The following NDST4 variants were observed in gnomAD, a reference collection of about 807,000 sequenced individuals.
NDST4 encodes N-deacetylase and N-sulfotransferase 4, also known as N-heparan sulfate sulfotransferase 4.
A neutral mutation model predicts 100.8 loss-of-function variants in NDST4; 63 were observed. The observed-to-expected ratio is 0.62, with a 90% CI of 0.51 to 0.77. The LOEUF is 0.77. Among genes scored for constraint, NDST4 ranks in the 30% least tolerant of loss-of-function variants. The pLI is 0.00. For synonymous variants in NDST4, 377 were observed against 361.8 expected (o/e 1.04, Z -0.48); for missense variants, 943 against 1,018.4 (o/e 0.93, Z 1.01).
chr4:115,049,495 C>G (rs1728538562), intron 2 of NDST4, among the ~76,000 whole-genome samples: 1 of 151,906 alleles, frequency 6.6e-6, no homozygotes, highest in South Asian at 2.1e-4. Context: ...GTAGGGGGAC[C>G]AAGCATCCCA....
At chr4:114,874,935 G>A (rs188429299) in intron 6 of NDST4, among the ~76,000 whole-genome samples, 55 of 152,124 alleles carry the variant, frequency 3.6e-4, no homozygotes, top group Admixed American at 1.3e-3. Context: ...AGTATCATCT[G>A]GGGAAAGTAT....
intron 1 of NDST4, among the ~76,000 whole-genome samples, chr4:115,089,250 C>T (rs528534632): frequency 6.6e-6 from 1 of 151,954 alleles, no homozygotes; most frequent in Non-Finnish European, 1.5e-5. Flanking sequence ...ATTTCTATTT[C>T]CATGTATACA....
intron 2 of NDST4, among the ~76,000 whole-genome samples, chr4:115,065,888 G>A (rs1312838187): frequency 2.0e-5 from 3 of 152,090 alleles, no homozygotes; most frequent in Non-Finnish European, 4.4e-5. Flanking sequence ...TCTCAAAAAT[G>A]TCCTGATATT....
In NDST4 at chr4:115,061,906, T is replaced by C. The variant is rs183830749; in HGVS notation, c.978+14153A>G. On this transcript the variant is annotated intron_variant, in intron 2 of 13. Coordinates refer to ENST00000264363, the MANE Select transcript of NDST4 (RefSeq NM_022569.3). ...AAATAAATGATATTAAATGCTTATA[T>C]GAGAGGAAAAAAGTGACACTTCATT... 3.9e-5 allele frequency among the ~76,000 whole-genome samples: 6 copies of C among 152,056 alleles called. No individual in the cohort carries two copies. The East Asian group carries it at 1.2e-3, about 29-fold the overall frequency.
chr4:115,032,010 C>T (rs939438844), intron 2 of NDST4, among the ~76,000 whole-genome samples: 7 of 151,964 alleles, frequency 4.6e-5, no homozygotes, highest in African/African-American at 1.4e-4. Context: ...GAATCAAGAC[C>T]CACCGCCCCC....
intron 6 of NDST4, among the ~76,000 whole-genome samples, chr4:114,887,126 T>C (rs1002345612): frequency 2.0e-5 from 3 of 152,194 alleles, no homozygotes; most frequent in African/African-American, 7.2e-5. Context: ...TATTCCTCAA[T>C]GTGCTAAAGA....
chr4:114,845,783 A>G, intron 10 of NDST4, 40 bp downstream of exon 10: 1 of 1,556,790 alleles, frequency 6.4e-7, no homozygotes, highest in African/African-American at 1.4e-5. Context: ...CATTTAAGCT[A>G]TAACAAAATG....
At chr4:115,056,042 G>T (rs891743729) in intron 2 of NDST4, among the ~76,000 whole-genome samples, 1 of 152,074 alleles carries the variant, frequency 6.6e-6, no homozygotes, top group Non-Finnish European at 1.5e-5. Flanking sequence ...TTAATATTAA[G>T]TTGCATTATG....
intron 2 of NDST4, among the ~76,000 whole-genome samples, chr4:115,061,504 T>C (rs1251777246): frequency 6.6e-6 from 1 of 152,052 alleles, no homozygotes; most frequent in African/African-American, 2.4e-5. Flanking sequence ...ACCATCATTC[T>C]CAGCAAACTA....
intron 2 of NDST4, among the ~76,000 whole-genome samples, chr4:115,046,877 A>T (rs551556239): frequency 3.3e-5 from 5 of 152,280 alleles, no homozygotes; most frequent in African/African-American, 9.6e-5. Context: ...AGAAAATTGT[A>T]AGAAATATTA....
At chr4:115,099,059 C>T (rs1369631266) in intron 1 of NDST4, among the ~76,000 whole-genome samples, 1 of 152,134 alleles carries the variant, frequency 6.6e-6, no homozygotes, top group African/African-American at 2.4e-5. Flanking sequence ...GAAAGGATAG[C>T]CTTTTCAATA....
At chr4:115,057,700 ACG>A (rs200144903) in intron 2 of NDST4, among the ~76,000 whole-genome samples, 15 of 113,324 alleles carry the variant, frequency 1.3e-4, no homozygotes, top group African/African-American at 5.4e-4. Context: ...ATGCGTGCGC[ACG>A]CACACACACA....
intron 4 of NDST4, among the ~76,000 whole-genome samples, chr4:114,969,684 T>C (rs1375063862): frequency 6.6e-6 from 1 of 152,218 alleles, no homozygotes; most frequent in African/African-American, 2.4e-5. Flanking sequence ...CCATGGTGTA[T>C]ATATGGACCA....
intron 2 of NDST4, among the ~76,000 whole-genome samples, chr4:115,017,854 C>T (rs1727720152): frequency 6.6e-6 from 1 of 151,744 alleles, no homozygotes; most frequent in African/African-American, 2.4e-5. Flanking sequence ...ATAGCCTGCT[C>T]CTGATTGTTT....
At chr4:114,855,033 G>A (rs1723762855) in intron 7 of NDST4, among the ~76,000 whole-genome samples, 1 of 152,136 alleles carries the variant, frequency 6.6e-6, no homozygotes, top group Admixed American at 6.5e-5. Flanking sequence ...GATGATCAAT[G>A]ATGTTGAGAA....
intron 4 of NDST4, among the ~76,000 whole-genome samples, chr4:114,943,105 T>A (rs931716144): frequency 6.8e-6 from 1 of 147,942 alleles, no homozygotes; most frequent in African/African-American, 2.5e-5. Flanking sequence ...ATTATATATG[T>A]ATATGATAAG....
chr4:114,935,806 A>G (rs1725616312), intron 5 of NDST4, among the ~76,000 whole-genome samples: 1 of 152,172 alleles, frequency 6.6e-6, no homozygotes, highest in Non-Finnish European at 1.5e-5. Context: ...TACAATCTGA[A>G]TTTACATTTT....
intron 2 of NDST4, among the ~76,000 whole-genome samples, chr4:115,071,275 TTC>T (rs1560589074): frequency 8.4e-6 from 1 of 118,942 alleles, no homozygotes; most frequent in African/African-American, 3.6e-5. Flanking sequence ...AAAGTATGCC[TTC>T]ACACACACAC....
At chr4:114,909,545 A>G (rs1296732611) in intron 6 of NDST4, among the ~76,000 whole-genome samples, 2 of 151,124 alleles carry the variant, frequency 1.3e-5, no homozygotes, top group Non-Finnish European at 2.9e-5. Context: ...CTGTAGTCCC[A>G]GCTACTCGGG....
Sources: allele counts gnomAD v4.1 joint callset (sites outside exome capture counted in the v4.1 genomes callset), GRCh38; gene constraint gnomAD v4.1.1; transcripts MANE v1.5; gene names NCBI Gene and HGNC (gene_info 2026-07-23, HGNC 2026-07-21).